Variants in PTCHD4 observed in about 807,000 individuals in gnomAD.
PTCHD4 encodes patched domain-containing protein 4.
A neutral mutation model predicts 58.1 loss-of-function variants in PTCHD4; 33 were observed. That is an observed-to-expected ratio of 0.57 (90% CI 0.43 to 0.76). The LOEUF (loss-of-function observed/expected upper bound fraction) is 0.76, where lower values mean the gene tolerates loss of function less well. PTCHD4 is among the 30% of genes least tolerant of loss of function. PTCHD4 has a pLI of 0.00. For missense variants in PTCHD4, 1,058 were observed against 1,027.1 expected (o/e 1.03, Z -0.41); for synonymous variants, 478 against 409.6 (o/e 1.17, Z -2.02).
intron 4 of PTCHD4, among the ~76,000 whole-genome samples, chr6:47,987,406 T>TA (rs371987139): frequency 0.013 from 1,704 of 135,470 alleles, 38 homozygotes; most frequent in African/African-American, 0.045. Flanking sequence ...TAAAGTATAA[T>TA]AAAAAAAAAG....
intron 4 of PTCHD4, among the ~76,000 whole-genome samples, chr6:48,007,841 T>C (rs767954701): frequency 1.6e-4 from 24 of 152,196 alleles, no homozygotes; most frequent in Non-Finnish European, 2.5e-4. Context: ...TATCATCATC[T>C]CTTTTCTGAT....
In PTCHD4 at chr6:47,871,627, T is replaced by A. The variant is rs978543293; in HGVS notation, c.*6676A>T. Among the ~76,000 whole-genome samples, 3 of 151,702 alleles carry A rather than the reference T, an allele frequency of 2.0e-5. No individual in the cohort carries two copies. The highest frequency in any genetic ancestry group is 1.3e-4 in the Admixed American group (2 of 15,168). On this transcript the variant is annotated 3_prime_UTR_variant, in exon 5 of 5. Transcript: ENST00000339488. ...TCATTTTACATTTTGCCTTGTCTAATTTGATAAAGTGAATGAGCATCAAGG... is the reference window on the plus strand; with the variant it reads ...TCATTTTACATTTTGCCTTGTCTAAATTGATAAAGTGAATGAGCATCAAGG...
At chr6:47,922,438 C>T (rs948248185) in intron 4 of PTCHD4, among the ~76,000 whole-genome samples, 1 of 152,194 alleles carries the variant, frequency 6.6e-6, no homozygotes, top group African/African-American at 2.4e-5. Context: ...TTTACCAGCC[C>T]CCCTGCCGGC....
At chr6:47,971,309 T>A (rs921814600) in intron 4 of PTCHD4, among the ~76,000 whole-genome samples, 14 of 151,386 alleles carry the variant, frequency 9.2e-5, no homozygotes, top group African/African-American at 3.2e-4. Context: ...AAGAGCTCTT[T>A]GGAAATTGAA....
intron 4 of PTCHD4, among the ~76,000 whole-genome samples, chr6:47,962,268 G>A (rs867437165): frequency 3.3e-5 from 5 of 152,096 alleles, no homozygotes; most frequent in Admixed American, 6.5e-5. Context: ...TGCAGATTAA[G>A]GGGAACTTTG....
At chr6:48,091,870 G>A (rs1765372303) in intron 1 of PTCHD4, among the ~76,000 whole-genome samples, 1 of 151,736 alleles carries the variant, frequency 6.6e-6, no homozygotes, top group South Asian at 2.1e-4. Context: ...GGCTGGTCTC[G>A]AACTCCTGAC....
At chr6:48,047,641 G>T (rs1469987077) in intron 3 of PTCHD4, among the ~76,000 whole-genome samples, 2 of 151,768 alleles carry the variant, frequency 1.3e-5, no homozygotes, top group South Asian at 4.2e-4. Flanking sequence ...CTATTTGAAG[G>T]TGGGGCCTTT....
intron 4 of PTCHD4, among the ~76,000 whole-genome samples, chr6:47,963,665 G>A (rs1767182570): frequency 6.6e-6 from 1 of 152,110 alleles, no homozygotes; most frequent in African/African-American, 2.4e-5. Context: ...GAAAAAGAAG[G>A]AAATTCTGCC....
intron 4 of PTCHD4, among the ~76,000 whole-genome samples, chr6:47,977,695 C>G (rs1015954126): frequency 6.7e-6 from 1 of 148,906 alleles, no homozygotes; most frequent in African/African-American, 2.4e-5. Context: ...CAATAGATAG[C>G]TAAAACATAT....
intron 3 of PTCHD4, among the ~76,000 whole-genome samples, chr6:48,030,969 A>G (rs2114131945): frequency 6.6e-6 from 1 of 152,278 alleles, no homozygotes; most frequent in South Asian, 2.1e-4. Flanking sequence ...CTATCTGATG[A>G]GAACAATGGA....
chr6:48,082,586 G>A (rs1765186935), intron 1 of PTCHD4, among the ~76,000 whole-genome samples: 1 of 152,060 alleles, frequency 6.6e-6, no homozygotes, highest in African/African-American at 2.4e-5. Flanking sequence ...CCTACTTTCA[G>A]TTATACTCCC....
At chr6:47,921,370 T>C (rs1188259846) in intron 4 of PTCHD4, among the ~76,000 whole-genome samples, 2 of 152,190 alleles carry the variant, frequency 1.3e-5, no homozygotes, top group Non-Finnish European at 2.9e-5. Flanking sequence ...CTTTTGGCTT[T>C]GTTTTTAAAA....
intron 4 of PTCHD4, among the ~76,000 whole-genome samples, chr6:47,903,887 A>G (rs192415285): frequency 2.2e-4 from 34 of 152,334 alleles, no homozygotes; most frequent in Admixed American, 1.3e-3. Context: ...GGCAGCCAAG[A>G]AAGGTCTCAC....
intron 4 of PTCHD4, among the ~76,000 whole-genome samples, chr6:47,880,209 C>T (rs756286434): frequency 3.9e-5 from 6 of 152,062 alleles, no homozygotes; most frequent in African/African-American, 1.4e-4. Flanking sequence ...TATAATGTTA[C>T]GTTATTACAT....
At chr6:48,081,306 G>A (rs1765163573) in intron 1 of PTCHD4, among the ~76,000 whole-genome samples, 1 of 152,174 alleles carries the variant, frequency 6.6e-6, no homozygotes. Flanking sequence ...TGTAAAAACA[G>A]CAAGACTGAC....
rs1008586686 is a variant in PTCHD4 at position 48,069,575 on chromosome 6, C to G, written c.-618G>C. ...GCTGCAGCTGAGGGCTGCGGAGACT[C>G]CATCTATCCCTGGTGCGTTGGGACC... On this transcript the variant is annotated 5_prime_UTR_variant, in exon 2 of 5. Coordinates refer to ENST00000339488, the MANE Select transcript of PTCHD4 (RefSeq NM_001384253.1). Among the ~76,000 whole-genome samples the G allele has an allele frequency of 2.6e-5, 4 of 152,198 alleles. No individual in the cohort carries two copies. The highest frequency in any genetic ancestry group is 4.4e-5 in the Non-Finnish European group (3 of 68,036).
chr6:47,878,131 A>T lies in PTCHD4; in HGVS notation c.*172T>A. On this transcript the variant is annotated 3_prime_UTR_variant, in exon 5 of 5. Coordinates refer to ENST00000339488, the MANE Select transcript of PTCHD4 (RefSeq NM_001384253.1). ...GCAAATAACTTTTTCCTCTTTTTTT[A>T]TTCCCTCTTCCCCCCAAGAAGCAGG... The T allele has an allele frequency of 5.6e-6, 3 of 533,274 alleles. No homozygotes were observed. The highest frequency in any genetic ancestry group is 3.9e-5 in the African/African-American group (2 of 51,882). 33.0% of individuals were successfully genotyped at this position (533,274 alleles called of 1,614,324 possible). A position where few individuals can be genotyped will look rare whatever the true frequency, so the allele number is the denominator to read the frequency against.
At chr6:47,930,012 T>C (rs1239618624) in intron 4 of PTCHD4, among the ~76,000 whole-genome samples, 1 of 152,218 alleles carries the variant, frequency 6.6e-6, no homozygotes, top group Non-Finnish European at 1.5e-5. Context: ...AAGAAACTTG[T>C]TCTGCAGTCT....
intron 4 of PTCHD4, among the ~76,000 whole-genome samples, chr6:47,995,493 A>G (rs1265389780): frequency 6.6e-6 from 1 of 152,142 alleles, no homozygotes; most frequent in East Asian, 1.9e-4. Context: ...TTTTTTGGAG[A>G]GGTTACCAGA....
Sources: gnomAD v4.1 joint callset for allele counts (sites outside exome capture counted in the v4.1 genomes callset) on GRCh38, gnomAD v4.1.1 for gene constraint, MANE v1.5 for transcripts, NCBI Gene and HGNC (gene_info 2026-07-23, HGNC 2026-07-21) for gene names.